Variants in AMOTL1 observed in about 807,000 individuals in gnomAD.
AMOTL1 encodes angiomotin like 1.
A neutral mutation model predicts 102.9 loss-of-function variants in AMOTL1; 45 were observed. The ratio of observed to expected loss-of-function variants is 0.44; its 90% CI spans 0.34 to 0.56. AMOTL1 has a LOEUF of 0.56. Among genes scored for constraint, AMOTL1 ranks in the 20% least tolerant of loss-of-function variants. The pLI is 0.01. For synonymous variants in AMOTL1, 481 were observed against 484.7 expected (o/e 0.99, Z 0.10); for missense variants, 1,114 against 1,225.6 (o/e 0.91, Z 1.36).
intron 1 of AMOTL1, among the ~76,000 whole-genome samples, chr11:94,720,876 G>A (rs993158709): frequency 2.6e-5 from 4 of 152,110 alleles, no homozygotes; most frequent in South Asian, 2.1e-4. Flanking sequence ...GCGTAAGTTA[G>A]TTTCCCTTAG....
intron 6 of AMOTL1, among the ~76,000 whole-genome samples, chr11:94,840,508 T>C (rs1952274958): frequency 6.6e-6 from 1 of 151,966 alleles, no homozygotes; most frequent in Non-Finnish European, 1.5e-5. Flanking sequence ...AATATAATTG[T>C]AGACAACACA....
intron 2 of AMOTL1, among the ~76,000 whole-genome samples, chr11:94,732,778 C>G (rs2135462410): frequency 1.3e-5 from 2 of 152,318 alleles, no homozygotes; most frequent in South Asian, 4.1e-4. Flanking sequence ...CCAGGGAACT[C>G]AACCTGCTTA....
upstream of AMOTL1, chr11:94,768,301 C>G (rs1565344437): frequency 7.4e-7 from 1 of 1,345,772 alleles, no homozygotes; most frequent in Non-Finnish European, 9.5e-7. Context: ...GTGACGAGCC[C>G]GGGCGACCCT....
At position 94,866,294 on chromosome 11, in the gene AMOTL1, G is replaced by A. The variant is rs1384585522; in HGVS notation, c.2488+126G>A. The A allele has an allele frequency of 5.3e-6, 5 of 941,326 alleles. No homozygotes were observed. In the African/African-American group the frequency reaches 8.3e-5, roughly 16 times the overall value. The allele number at this position is 941,326 out of a possible 1,614,324, so 58.3% of individuals were successfully genotyped here. On this transcript the variant is annotated intron_variant, in intron 11 of 12. Transcript: ENST00000433060. ...CTCAGTTTACTCATCTGTGAAGTGG[G>A]GAGGGAAATCAGTCATACTTCAGTT...
upstream of AMOTL1, among the ~76,000 whole-genome samples, chr11:94,765,088 G>GTCCT (rs1565343395): frequency 1.3e-5 from 2 of 152,122 alleles, no homozygotes; most frequent in Non-Finnish European, 2.9e-5. Context: ...CCTGGTACTC[G>GTCCT]TCCTGTTTTG....
At chr11:94,711,063 A>T (rs1380581557) in intron 1 of AMOTL1, among the ~76,000 whole-genome samples, 1 of 152,206 alleles carries the variant, frequency 6.6e-6, no homozygotes. Flanking sequence ...CCACTTTGGT[A>T]GGTCAGGGTG....
In AMOTL1 at chr11:94,746,837, G is replaced by A. The variant is rs147638907; in HGVS notation, c.136+5849G>A. On this transcript the variant is annotated intron_variant, in intron 3 of 4. Transcript: ENST00000299004. ...TGCAGCTAAGATTGTGAACAACTGC[G>A]CTACACTGTGGCCACCTTATTCTTC... is the stretch of plus-strand genomic sequence containing the variant. Among the ~76,000 whole-genome samples the A allele has an allele frequency of 5.1e-3, 774 of 152,214 alleles. 10 individuals carry two copies. Among genetic ancestry groups the A allele is most frequent in the African/African-American group, 0.018 (732 of 41,528 alleles).
intron 1 of AMOTL1, among the ~76,000 whole-genome samples, chr11:94,713,365 C>A (rs1368215580): frequency 6.6e-6 from 1 of 151,916 alleles, no homozygotes; most frequent in Non-Finnish European, 1.5e-5. Context: ...ATCCTTGGGA[C>A]TTTTACTTTC....
chr11:94,790,596 G>A (rs1951266831), intron 1 of AMOTL1, among the ~76,000 whole-genome samples: 1 of 152,172 alleles, frequency 6.6e-6, no homozygotes, highest in Non-Finnish European at 1.5e-5. Flanking sequence ...GGACCAGCAG[G>A]ACTATGCACA....
chr11:94,718,142 GTGAT>G (rs1303843664), intron 1 of AMOTL1, among the ~76,000 whole-genome samples: 1 of 151,912 alleles, frequency 6.6e-6, no homozygotes, highest in African/African-American at 2.4e-5. Flanking sequence ...CTGTCTCTAT[GTGAT>G]TAAAAGTGTA....
intron 9 of AMOTL1, among the ~76,000 whole-genome samples, chr11:94,863,853 T>C (rs987972033): frequency 1.3e-5 from 2 of 152,236 alleles, no homozygotes; most frequent in African/African-American, 4.8e-5. Context: ...AGACAGATGC[T>C]TGCAGTGAAA....
At chr11:94,836,293 C>T (rs1291874933) in intron 6 of AMOTL1, among the ~76,000 whole-genome samples, 1 of 152,206 alleles carries the variant, frequency 6.6e-6, no homozygotes, top group African/African-American at 2.4e-5. Flanking sequence ...CACGTGAACA[C>T]ACTGATTTAC....
Position 94,799,976 on chromosome 11 carries a change from C to T in AMOTL1, c.786C>T (p.Ser262=), listed in dbSNP as rs190425544. 8.7e-6 allele frequency: 14 copies of T among 1,614,004 alleles called. No homozygotes were observed. The highest frequency in any genetic ancestry group is 4.5e-5 in the East Asian group (2 of 44,876). The change falls in exon 3 of 13, where the codon AGC becomes AGT. Residue 262 remains serine, a synonymous_variant. Transcript: ENST00000433060. The surrounding 1 kb of genome is among the most constrained non-coding windows in gnomAD (Gnocchi z 4.5). The part of the protein sequence containing the change: ...ELKQGHVRSL[S]ERIMQLSLER... ...AGCAGGGCCACGTCCGCTCGCTCAGCGAGAGAATCATGCAGCTGTCCCTGG... is the reference window on the plus strand; with the variant it reads ...AGCAGGGCCACGTCCGCTCGCTCAGTGAGAGAATCATGCAGCTGTCCCTGG...
intron 3 of AMOTL1, among the ~76,000 whole-genome samples, chr11:94,814,579 C>T (rs1951735077): frequency 6.6e-6 from 1 of 152,144 alleles, no homozygotes; most frequent in South Asian, 2.1e-4. Flanking sequence ...TGCTATGAAA[C>T]AGCCTATCCT....
At chr11:94,754,059 T>A (rs577174870) in intron 3 of AMOTL1, among the ~76,000 whole-genome samples, 1 of 152,304 alleles carries the variant, frequency 6.6e-6, no homozygotes, top group East Asian at 1.9e-4. Flanking sequence ...ATCTGTGATA[T>A]GGGAAGGCAA....
intron 3 of AMOTL1, among the ~76,000 whole-genome samples, chr11:94,815,046 A>G (rs1951742632): frequency 6.6e-6 from 1 of 152,184 alleles, no homozygotes; most frequent in African/African-American, 2.4e-5. Context: ...ACTTTGAGCC[A>G]AATGCTTTTT....
At chr11:94,828,599 C>T (rs1952012861) in intron 4 of AMOTL1, among the ~76,000 whole-genome samples, 2 of 152,178 alleles carry the variant, frequency 1.3e-5, no homozygotes, top group African/African-American at 4.8e-5. Flanking sequence ...TATTTACAGG[C>T]CAACTTAAGA....
At chr11:94,794,369 A>T (rs962040429) in intron 1 of AMOTL1, among the ~76,000 whole-genome samples, 2 of 152,144 alleles carry the variant, frequency 1.3e-5, no homozygotes. Context: ...GACTGAACAC[A>T]GTGTCACATT....
intron 4 of AMOTL1, among the ~76,000 whole-genome samples, chr11:94,825,916 GAA>G (rs1181068794): frequency 1.3e-5 from 2 of 152,212 alleles, no homozygotes; most frequent in African/African-American, 4.8e-5. Context: ...TGCTTCCAGA[GAA>G]GAGAAGCTCA....
Sources: allele counts gnomAD v4.1 joint callset (sites outside exome capture counted in the v4.1 genomes callset), GRCh38; gene constraint gnomAD v4.1.1; non-coding constraint Gnocchi (gnomAD v3.1); transcripts MANE v1.5; gene names NCBI Gene and HGNC (gene_info 2026-07-23, HGNC 2026-07-21).